TRAF3IP1: variants seen among roughly 807,000 people sequenced by gnomAD.
TRAF3IP1 encodes the protein intraflagellar transport 54.
In TRAF3IP1, 53 loss-of-function variants were observed where a neutral mutation model predicts 89.9. That is an observed-to-expected ratio of 0.59 (90% CI 0.47 to 0.74). The LOEUF is 0.74. Among genes scored for constraint, TRAF3IP1 ranks in the 30% least tolerant of loss-of-function variants. The pLI is 0.00. For missense variants in TRAF3IP1, 806 were observed against 866.1 expected (o/e 0.93, Z 0.87); for synonymous variants, 311 against 322.1 (o/e 0.97, Z 0.37).
intron 16 of TRAF3IP1, 77 bp from the exon 17 acceptor site, chr2:238,398,677 C>A: frequency 7.3e-7 from 1 of 1,372,404 alleles, no homozygotes; most frequent in South Asian, 1.8e-5. Context: ...CTTCTGTTGT[C>A]TTTCAATGTC....
At chr2:238,358,838 T>C (rs1372001664) in intron 15 of TRAF3IP1, among the ~76,000 whole-genome samples, 1 of 152,266 alleles carries the variant, frequency 6.6e-6, no homozygotes, top group Non-Finnish European at 1.5e-5. Context: ...TTTTCAGCCA[T>C]TTCCTTTCAT....
At chr2:238,330,067 G>C (rs1416039360) in intron 5 of TRAF3IP1, among the ~76,000 whole-genome samples, 1 of 152,200 alleles carries the variant, frequency 6.6e-6, no homozygotes, top group Non-Finnish European at 1.5e-5. Context: ...CGTGTCGTTT[G>C]TGTCATTTGT....
rs1701418986 is a variant in TRAF3IP1, at chr2:238,400,524, A to G, written c.*1605A>G. On this transcript the variant is annotated 3_prime_UTR_variant, in exon 17 of 17. Coordinates refer to ENST00000373327, the MANE Select transcript of TRAF3IP1 (RefSeq NM_015650.4). ...TGAATAAGTTCAGGAGCAGATTATT[A>G]AGATCTGCCATTCTGAAACGCTGGT... The G allele has an allele frequency of 6.6e-6, 1 of 152,254 alleles. No homozygotes were observed. The highest frequency in any genetic ancestry group is 1.5e-5 in the Non-Finnish European group (1 of 68,050). The allele number at this position is 152,254 out of a possible 1,614,324, so 9.4% of individuals were successfully genotyped here. A position where few individuals can be genotyped will look rare whatever the true frequency, so the allele number is the denominator to read the frequency against.
chr2:238,323,104 A>C (rs1278995283), intron 1 of TRAF3IP1, among the ~76,000 whole-genome samples: 1 of 140,632 alleles, frequency 7.1e-6, no homozygotes, highest in East Asian at 2.0e-4. Flanking sequence ...TTTTAGAGGG[A>C]TTCTTGCTCT....
rs1700456820 is a variant in TRAF3IP1 at position 238,379,480 on chromosome 2, G to A, written c.1690-17979G>A. ...GACACCTGCTCGTGTGAAGGCGGCA[G>A]CGTGGTGCCATCACTTGGGTATTTG... On this transcript the variant is annotated intron_variant, in intron 15 of 16. Transcript: ENST00000373327. The surrounding 1 kb of genome is among the most constrained non-coding windows in gnomAD (Gnocchi z 4.0). 6.6e-6 allele frequency among the ~76,000 whole-genome samples: 1 copy of A among 152,238 alleles called. No individual in the cohort carries two copies. Among genetic ancestry groups the A allele is most frequent in the Admixed American group, 6.5e-5 (1 of 15,288 alleles).
At position 238,379,751 on chromosome 2, in the gene TRAF3IP1, G is replaced by A. The variant is rs1386121146; in HGVS notation, c.1690-17708G>A. Among the ~76,000 whole-genome samples the A allele has an allele frequency of 6.6e-6, 1 of 152,170 alleles. No homozygotes were observed. Among genetic ancestry groups the A allele is most frequent in the African/African-American group, 2.4e-5 (1 of 41,438 alleles). ...TGGTATTTTTGGAGTGATTAAATAT[G>A]TTAAGAATTTAGAAGGCAAAATGTG... On this transcript the variant is annotated intron_variant, in intron 15 of 16. Coordinates refer to ENST00000373327, the MANE Select transcript of TRAF3IP1 (RefSeq NM_015650.4). This position sits in a 1 kb window ranked among gnomAD's most constrained non-coding sequence, Gnocchi z 4.0.
At chr2:238,339,767 G>A (rs1160183834) in intron 8 of TRAF3IP1, among the ~76,000 whole-genome samples, 2 of 152,256 alleles carry the variant, frequency 1.3e-5, no homozygotes, top group African/African-American at 4.8e-5. Context: ...GCTTTATCAC[G>A]GATCACCTCT....
At position 238,351,163 on chromosome 2, in the gene TRAF3IP1, C is replaced by T. The variant is rs1049008485; in HGVS notation, c.1452-1664C>T. 2.0e-5 allele frequency among the ~76,000 whole-genome samples: 3 copies of T among 151,868 alleles called. No homozygotes were observed. Among genetic ancestry groups the T allele is most frequent in the African/African-American group, 4.8e-5 (2 of 41,338 alleles). On this transcript the variant is annotated intron_variant, in intron 12 of 16. Coordinates refer to ENST00000373327, the MANE Select transcript of TRAF3IP1 (RefSeq NM_015650.4). This position sits in a 1 kb window ranked among gnomAD's most constrained non-coding sequence, Gnocchi z 5.2. ...TGACAGGGGTGCCCCTGGGAGTGGG[C>T]GTCGAGTGTGGGAGGTGGGATCATC... is the stretch of plus-strand genomic sequence containing the variant.
In TRAF3IP1 at chr2:238,329,347, A is replaced by G. The variant is rs776953594; in HGVS notation, c.915+5A>G. ...CATGACAAACCTGAGAAAAAGGTAA[A>G]GTCTTGCTGAGAACCTCGCCTTTTG... On this transcript the variant is annotated splice_donor_5th_base_variant and intron_variant, in intron 5 of 16. Transcript: ENST00000373327. 1 of 1,350,796 alleles carries G rather than the reference A, an allele frequency of 7.4e-7. No homozygotes were observed. Among genetic ancestry groups the G allele is most frequent in the South Asian group, 2.6e-5 (1 of 37,746 alleles). 83.7% of individuals were successfully genotyped at this position (1,350,796 alleles called of 1,614,324 possible).
chr2:238,335,292 C>G (rs1374309121), intron 7 of TRAF3IP1, among the ~76,000 whole-genome samples: 3 of 151,974 alleles, frequency 2.0e-5, no homozygotes, highest in Non-Finnish European at 4.4e-5. Context: ...TATGTTATCT[C>G]TTACTTTAAT....
chr2:238,325,272 A>G, intron 1 of TRAF3IP1, 34 bp from the exon 2 acceptor site: 1 of 1,609,618 alleles, frequency 6.2e-7, no homozygotes, highest in East Asian at 2.2e-5. Flanking sequence ...GCTGTCTGTG[A>G]GGTGACATGG....
intron 10 of TRAF3IP1, among the ~76,000 whole-genome samples, chr2:238,348,233 C>T (rs534117195): frequency 6.6e-6 from 1 of 151,828 alleles, no homozygotes; most frequent in Admixed American, 6.6e-5. Context: ...ATTAAAAGCA[C>T]TGGTAATTCT....
chr2:238,359,471 T>G (rs1050867699), intron 15 of TRAF3IP1, among the ~76,000 whole-genome samples: 1 of 152,170 alleles, frequency 6.6e-6, no homozygotes, highest in African/African-American at 2.4e-5. Context: ...GTGCACTCTT[T>G]GAGGTTTTTT....
chr2:238,378,611 TTGAG>T (rs1320047520), intron 15 of TRAF3IP1, among the ~76,000 whole-genome samples: 1 of 152,104 alleles, frequency 6.6e-6, no homozygotes, highest in Non-Finnish European at 1.5e-5. Flanking sequence ...GGCCTGGAGT[TTGAG>T]AGAGAGAGAG....
intron 1 of TRAF3IP1, among the ~76,000 whole-genome samples, chr2:238,323,081 A>T (rs1377744262): frequency 5.4e-5 from 8 of 147,606 alleles, no homozygotes; most frequent in African/African-American, 1.5e-4. Context: ...ATTGTTCACA[A>T]TTTTTTTTTT....
chr2:238,336,188 G>A (rs550512326), intron 7 of TRAF3IP1, among the ~76,000 whole-genome samples: 32 of 152,264 alleles, frequency 2.1e-4, no homozygotes, highest in African/African-American at 7.2e-4. Context: ...AATTGCTTCT[G>A]ATATGTGCAT....
intron 15 of TRAF3IP1, among the ~76,000 whole-genome samples, chr2:238,390,652 C>T (rs1048763748): frequency 2.0e-5 from 3 of 152,162 alleles, no homozygotes; most frequent in Non-Finnish European, 4.4e-5. Context: ...AATAAATTTA[C>T]GATAATGGTT....
intron 15 of TRAF3IP1, among the ~76,000 whole-genome samples, chr2:238,358,173 C>T (rs1311827433): frequency 1.3e-5 from 2 of 150,924 alleles, no homozygotes; most frequent in Non-Finnish European, 2.9e-5. Context: ...TGCAGTGGCG[C>T]GATCTCGGCT....
intron 14 of TRAF3IP1, among the ~76,000 whole-genome samples, chr2:238,353,901 G>A (rs1481502531): frequency 2.0e-5 from 3 of 152,192 alleles, no homozygotes; most frequent in Admixed American, 6.5e-5. Flanking sequence ...AGCCTCACAA[G>A]TAGCTGGGAC....
Sources: allele counts gnomAD v4.1 joint callset (sites outside exome capture counted in the v4.1 genomes callset), GRCh38; gene constraint gnomAD v4.1.1; non-coding constraint Gnocchi (gnomAD v3.1); transcripts MANE v1.5; gene names NCBI Gene and HGNC (gene_info 2026-07-23, HGNC 2026-07-21).